GPHN: variants seen among roughly 807,000 people sequenced by gnomAD.
The protein encoded by GPHN is gephyrin.
A neutral mutation model predicts 95.5 loss-of-function variants in GPHN; 17 were observed. That is an observed-to-expected ratio of 0.18 (90% CI 0.12 to 0.27). The LOEUF (loss-of-function observed/expected upper bound fraction) is 0.27, where lower values mean the gene tolerates loss of function less well. GPHN is among the 10% of genes least tolerant of loss of function. The pLI is 1.00. For missense variants in GPHN, 660 were observed against 978.1 expected, an observed-to-expected ratio of 0.67 and a Z score of 4.34; for synonymous variants, 320 against 322.5, an observed-to-expected ratio of 0.99 and a Z score of 0.08.
intron 4 of GPHN, among the ~76,000 whole-genome samples, chr14:66,824,821 T>A (rs184526270): frequency 1.1e-4 from 17 of 152,290 alleles, no homozygotes; most frequent in Admixed American, 1.1e-3. Context: ...ATTTTCTTGA[T>A]GTCAGCCTAA....
At chr14:67,322,202 G>C in the GPHN span, among the ~76,000 whole-genome samples, 1 of 152,036 alleles carries the variant, frequency 6.6e-6, no homozygotes, top group East Asian at 1.9e-4. Context: ...AAAAAAATTA[G>C]CCAGGTGTGG....
the GPHN span, among the ~76,000 whole-genome samples, chr14:67,361,708 A>G: frequency 1.2e-4 from 18 of 152,334 alleles, no homozygotes; most frequent in African/African-American, 4.1e-4. Flanking sequence ...TTTGGTTGAT[A>G]TATTTTGAAA....
chr14:67,495,386 G>A, the GPHN span, among the ~76,000 whole-genome samples: 9 of 152,208 alleles, frequency 5.9e-5, no homozygotes, highest in East Asian at 1.9e-4. Flanking sequence ...GAGTGTATCC[G>A]TATATGTAGT....
intron 8 of GPHN, among the ~76,000 whole-genome samples, chr14:66,957,485 C>T (rs149109475): frequency 0.012 from 1,833 of 152,066 alleles, 19 homozygotes; most frequent in Non-Finnish European, 0.018. Context: ...CATGAGCCAC[C>T]GCACCTGGTC....
chr14:67,550,315 A>C, the GPHN span, among the ~76,000 whole-genome samples: 1 of 152,058 alleles, frequency 6.6e-6, no homozygotes, highest in African/African-American at 2.4e-5. Flanking sequence ...TAGCCTCCTA[A>C]GTAGGTGGGA....
At chr14:66,777,156 G>T (rs868795378) in intron 3 of GPHN, among the ~76,000 whole-genome samples, 1 of 150,714 alleles carries the variant, frequency 6.6e-6, no homozygotes, top group South Asian at 2.1e-4. Flanking sequence ...CACCGATCCC[G>T]CAGAAATACA....
chr14:67,066,414 G>T (rs1414094623), intron 11 of GPHN, among the ~76,000 whole-genome samples: 1 of 152,094 alleles, frequency 6.6e-6, no homozygotes, highest in African/African-American at 2.4e-5. Context: ...TCTTGGGGTT[G>T]TTTTTCTCGA....
the GPHN span, among the ~76,000 whole-genome samples, chr14:67,679,292 C>T: frequency 1.3e-5 from 2 of 152,122 alleles, no homozygotes; most frequent in Non-Finnish European, 2.9e-5. Flanking sequence ...CCCTGCCTCT[C>T]TATACTGTTG....
the GPHN span, among the ~76,000 whole-genome samples, chr14:67,602,266 A>T: frequency 6.6e-6 from 1 of 152,114 alleles, no homozygotes; most frequent in East Asian, 1.9e-4. Context: ...ACATTTTTAA[A>T]CCGTCAGATC....
chr14:66,519,384 A>G (rs753173691), intron 1 of GPHN, among the ~76,000 whole-genome samples: 2 of 152,108 alleles, frequency 1.3e-5, no homozygotes, highest in African/African-American at 4.8e-5. Context: ...GTATCATACA[A>G]TACATCAGAG....
chr14:66,673,119 G>A (rs2066394234), intron 1 of GPHN, among the ~76,000 whole-genome samples: 1 of 152,030 alleles, frequency 6.6e-6, no homozygotes, highest in African/African-American at 2.4e-5. Flanking sequence ...TTGAGACAGA[G>A]TCTGGCTCTG....
At chr14:67,575,608 A>G in the GPHN span, 3 of 740,906 alleles carry the variant, frequency 4.0e-6, no homozygotes, top group East Asian at 2.7e-5. Context: ...GGATCCCTCC[A>G]GAGTGTGAGA....
At chr14:66,673,139 C>T (rs2066395776) in intron 1 of GPHN, among the ~76,000 whole-genome samples, 2 of 152,150 alleles carry the variant, frequency 1.3e-5, no homozygotes, top group African/African-American at 4.8e-5. Flanking sequence ...GTCTCCCGGG[C>T]TGGAGTACAG....
chr14:67,477,038 C>G, the GPHN span, among the ~76,000 whole-genome samples: 1 of 152,060 alleles, frequency 6.6e-6, no homozygotes, highest in African/African-American at 2.4e-5. Flanking sequence ...TGGTGGCATG[C>G]GCCTATAATC....
chr14:67,724,621 G>GCCAT, the GPHN span: 5 of 1,499,630 alleles, frequency 3.3e-6, no homozygotes, highest in African/African-American at 6.9e-5. Flanking sequence ...TCTCCAAAGG[G>GCCAT]CCATGCCTCC....
the GPHN span, chr14:67,572,295 C>A: frequency 2.0e-6 from 3 of 1,528,984 alleles, no homozygotes; most frequent in African/African-American, 1.4e-5. Context: ...GGGAAACGGG[C>A]GGGGGCAGGG....
chr14:67,350,531 T>C, the GPHN span: 7 of 1,294,870 alleles, frequency 5.4e-6, no homozygotes. Flanking sequence ...TATTTCTAAA[T>C]TAAAAAATGC....
chr14:67,296,841 C>G, the GPHN span, among the ~76,000 whole-genome samples: 1 of 152,002 alleles, frequency 6.6e-6, no homozygotes, highest in African/African-American at 2.4e-5. Flanking sequence ...CTCAAGCAGT[C>G]CTCCCACCTC....
At chr14:66,594,856 G>C (rs2140733750) in intron 1 of GPHN, among the ~76,000 whole-genome samples, 1 of 152,190 alleles carries the variant, frequency 6.6e-6, no homozygotes, top group South Asian at 2.1e-4. Context: ...CACAGCAAAG[G>C]AAACAGAATG....
Sources: gnomAD v4.1 joint callset for allele counts (sites outside exome capture counted in the v4.1 genomes callset) on GRCh38, gnomAD v4.1.1 for gene constraint, MANE v1.5 for transcripts, NCBI Gene and HGNC (gene_info 2026-07-23, HGNC 2026-07-21) for gene names.